The following RYR3 variants were observed in gnomAD, a reference collection of about 807,000 sequenced individuals.
The protein encoded by RYR3 is brain ryanodine receptor-calcium release channel.
RYR3 carries 207 observed loss-of-function variants against 584.3 expected under a neutral mutation model. The ratio of observed to expected loss-of-function variants is 0.35; its 90% CI spans 0.32 to 0.40. The LOEUF (loss-of-function observed/expected upper bound fraction) is 0.40, where lower values mean the gene tolerates loss of function less well. RYR3 is among the 10% of genes least tolerant of loss of function. The probability of loss-of-function intolerance (pLI) is 1.00; values close to 1 mark genes in which losing one functional copy is unlikely to be tolerated. For synonymous variants in RYR3, 2,416 were observed against 2,248.5 expected, an observed-to-expected ratio of 1.07 and a Z score of -2.11; for missense variants, 5,616 against 6,089.2, an observed-to-expected ratio of 0.92 and a Z score of 2.59.
At chr15:33,329,099 T>C (rs892664900) in intron 1 of RYR3, among the ~76,000 whole-genome samples, 3 of 152,188 alleles carry the variant, frequency 2.0e-5, no homozygotes, top group Non-Finnish European at 2.9e-5. Flanking sequence ...AAGTCTGGTC[T>C]GCAAGCCGAG....
intron 99 of RYR3, 50 bp downstream of exon 99, chr15:33,857,964 C>G (rs760267208): frequency 1.2e-6 from 2 of 1,605,604 alleles, no homozygotes; most frequent in Non-Finnish European, 1.7e-6. Context: ...GGGGCCACCC[C>G]GCCCCACCAC....
rs556397476 is a variant in RYR3 at position 33,809,479 on chromosome 15, G to A, written c.10027-1000G>A. Among the ~76,000 whole-genome samples, 487 of 152,244 alleles carry A rather than the reference G, an allele frequency of 3.2e-3. 1 individual carries two copies. Among genetic ancestry groups the A allele is most frequent in the Non-Finnish European group, 5.4e-3 (370 of 68,014 alleles). ...TGGAACCTGGAATCATGAAATCTGAGTCACCGCCTTGTTTCCTTGAGCCCA... is the reference window on the plus strand; with the variant it reads ...TGGAACCTGGAATCATGAAATCTGAATCACCGCCTTGTTTCCTTGAGCCCA... On this transcript the variant is annotated intron_variant, in intron 70 of 103. Transcript: ENST00000634891.
intron 1 of RYR3, among the ~76,000 whole-genome samples, chr15:33,394,265 T>C (rs1294233284): frequency 6.6e-6 from 1 of 152,126 alleles, no homozygotes; most frequent in Non-Finnish European, 1.5e-5. Flanking sequence ...GCTGAGACAG[T>C]AGGGAAGAAA....
At chr15:33,681,077 TCA>T (rs2064571145) in intron 38 of RYR3, among the ~76,000 whole-genome samples, 1 of 152,190 alleles carries the variant, frequency 6.6e-6, no homozygotes, top group Non-Finnish European at 1.5e-5. Flanking sequence ...CAGGCAGACC[TCA>T]GTTACCTCAA....
chr15:33,672,607 C>A (rs1263261348), intron 38 of RYR3, among the ~76,000 whole-genome samples: 1 of 152,076 alleles, frequency 6.6e-6, no homozygotes, highest in Non-Finnish European at 1.5e-5. Flanking sequence ...ACAACCACCA[C>A]CCCCATAAAT....
intron 67 of RYR3, among the ~76,000 whole-genome samples, chr15:33,798,745 A>G (rs2075762126): frequency 6.6e-6 from 1 of 152,238 alleles, no homozygotes; most frequent in South Asian, 2.1e-4. Context: ...GTAGACAACC[A>G]GTAATGTCAG....
intron 3 of RYR3, among the ~76,000 whole-genome samples, chr15:33,528,534 A>G (rs1431787118): frequency 2.0e-5 from 3 of 152,048 alleles, no homozygotes; most frequent in Admixed American, 1.3e-4. Context: ...AGGTGTTTCC[A>G]TTTGTAACAT....
At chr15:33,331,599 G>A (rs558113010) in intron 1 of RYR3, among the ~76,000 whole-genome samples, 68 of 152,028 alleles carry the variant, frequency 4.5e-4, no homozygotes, top group African/African-American at 1.3e-3. Context: ...AGAGAAAATA[G>A]GATATTCAGT....
chr15:33,826,901 G>T, intron 84 of RYR3, 149 bp downstream of exon 84: 1 of 675,844 alleles, frequency 1.5e-6, no homozygotes, highest in Middle Eastern at 3.2e-4. Context: ...AAATATCATG[G>T]CTAGTGATAT....
intron 32 of RYR3, among the ~76,000 whole-genome samples, chr15:33,658,824 C>T (rs1441180837): frequency 1.3e-5 from 2 of 152,184 alleles, no homozygotes; most frequent in Non-Finnish European, 2.9e-5. Flanking sequence ...ATCTAAGTGG[C>T]AGCTGCAGCA....
rs757124505 is a variant in RYR3, at chr15:33,769,122, T to C, written c.8766T>C (p.Ser2922=). 6.2e-7 allele frequency: 1 copy of C among 1,612,572 alleles called. No homozygotes were observed. Among genetic ancestry groups the C allele is most frequent in the East Asian group, 2.2e-5 (1 of 44,872 alleles). ...RHRISLFGSD[S]TTMVSCLHIL... is the part of the protein sequence containing the mutation. ...TTTTTTTTATTCCAGGTAGTGATTC[T>C]ACTACAATGGTGAGCTGTCTTCACA... The change falls in exon 62 of 104, where the codon TCT becomes TCC. Residue 2922 remains serine, a synonymous_variant. Coordinates refer to ENST00000634891, the MANE Select transcript of RYR3 (RefSeq NM_001036.6).
chr15:33,810,336 A>G lies in RYR3; in HGVS notation c.10027-143A>G, dbSNP rs372230463. 6.9e-6 allele frequency: 5 copies of G among 728,902 alleles called. No individual in the cohort carries two copies. The African/African-American group carries it at 7.1e-5, about 10-fold the overall frequency. 45.2% of individuals were successfully genotyped at this position (728,902 alleles called of 1,614,324 possible). On this transcript the variant is annotated intron_variant, in intron 70 of 103. Coordinates refer to ENST00000634891, the MANE Select transcript of RYR3 (RefSeq NM_001036.6). ...TACCTAATTCGTCTTTGTTCAACAC[A>G]CTCTTTTCACTGTCCTTTGAAGTGT...
At chr15:33,318,108 G>A (rs1968453943) in intron 1 of RYR3, among the ~76,000 whole-genome samples, 1 of 152,254 alleles carries the variant, frequency 6.6e-6, no homozygotes, top group Non-Finnish European at 1.5e-5. Flanking sequence ...GCTTGCTGCT[G>A]CTTATTTCAG....
intron 1 of RYR3, among the ~76,000 whole-genome samples, chr15:33,377,747 G>A (rs78912384): frequency 0.16 from 24,271 of 152,138 alleles, 2,239 homozygotes; most frequent in African/African-American, 0.25. Context: ...AGTTGTTTCA[G>A]GGTGTTGCTG....
At chr15:33,550,086 G>A (rs2056562332) in intron 9 of RYR3, 74 bp from the exon 10 acceptor site, 1 of 1,461,036 alleles carries the variant, frequency 6.8e-7, no homozygotes, top group African/African-American at 1.4e-5. Flanking sequence ...GCATGTGTAA[G>A]AAAGCATAGG....
chr15:33,499,750 G>T (rs2051787455), intron 2 of RYR3, among the ~76,000 whole-genome samples: 1 of 152,194 alleles, frequency 6.6e-6, no homozygotes, highest in Admixed American at 6.5e-5. Flanking sequence ...CCTGCATAAT[G>T]TCATTCAGCT....
Position 33,750,282 on chromosome 15 carries a change from T to A in RYR3, c.8395T>A (p.Ser2799Thr), listed in dbSNP as rs772475586. 5 of 1,610,658 alleles carry A rather than the reference T, an allele frequency of 3.1e-6. No homozygotes were observed. The Admixed American group carries it at 8.4e-5, about 27-fold the overall frequency. Residue 2799 changes from serine to threonine, a missense_variant, in exon 57 of 104, where the codon TCC becomes ACC. Transcript: ENST00000634891. ...CCTCCAAGTGAATGGCATCATAGTTTCCAGGTAAGTCACCTTCCATGTGAT... is the reference window on the plus strand; with the variant it reads ...CCTCCAAGTGAATGGCATCATAGTTACCAGGTAAGTCACCTTCCATGTGAT... ...KFLQVNGIIV[S>T]RGMKDMELDA... is the part of the protein sequence containing the mutation.
chr15:33,811,365 C>T (rs1258596245), intron 72 of RYR3, among the ~76,000 whole-genome samples: 4 of 151,858 alleles, frequency 2.6e-5, no homozygotes, highest in South Asian at 2.1e-4. Flanking sequence ...GTTAGCCGGG[C>T]GTGGTGGCGG....
At chr15:33,724,633 G>C (rs188708451) in intron 45 of RYR3, among the ~76,000 whole-genome samples, 1 of 152,248 alleles carries the variant, frequency 6.6e-6, no homozygotes, top group Non-Finnish European at 1.5e-5. Context: ...CATCACAAAA[G>C]GATGGTTCTA....
Sources: gnomAD v4.1 joint callset for allele counts (sites outside exome capture counted in the v4.1 genomes callset) on GRCh38, gnomAD v4.1.1 for gene constraint, MANE v1.5 for transcripts, NCBI Gene and HGNC (gene_info 2026-07-23, HGNC 2026-07-21) for gene names.